The following PLEC variants were observed in gnomAD, a reference collection of about 807,000 sequenced individuals.
PLEC encodes plectin, also known as hemidesmosomal protein 1.
A neutral mutation model predicts 392.8 loss-of-function variants in PLEC; 216 were observed. The observed-to-expected ratio is 0.55, with a 90% CI of 0.49 to 0.62. PLEC has a LOEUF of 0.62. Ranked by LOEUF, PLEC falls within the 20% of genes least tolerant of loss-of-function variation. PLEC has a pLI of 0.00. For missense variants in PLEC, 6,863 were observed against 6,563.4 expected, an observed-to-expected ratio of 1.05 and a Z score of -1.58; for synonymous variants, 3,621 against 2,980.6, an observed-to-expected ratio of 1.21 and a Z score of -7.00.
At position 143,927,098 on chromosome 8, in the gene PLEC, C is replaced by A. The variant is rs367869993; in HGVS notation, c.3841-17G>T. ...TTCATAGTCCTGTGGCAATGCACTG[C>A]GGTCAGCCACCAGCTCTGCCCTCCG... On this transcript the variant is annotated splice_polypyrimidine_tract_variant and intron_variant, in intron 28 of 31. Coordinates refer to ENST00000345136, the MANE Select transcript of PLEC (RefSeq NM_201384.3). 2 of 1,598,630 alleles carry A rather than the reference C, an allele frequency of 1.3e-6. No individual in the cohort carries two copies. The highest frequency in any genetic ancestry group is 1.3e-5 in the African/African-American group (1 of 74,672).
Position 143,917,059 on chromosome 8 carries a change from G to A in PLEC, c.12762C>T (p.Ser4254=), listed in dbSNP as rs782609547. ...AGACGGCGGGGCTGATGGGGTAGGA[G>A]GAGGAGGATCCCACCGAGGAGGAAC... is the stretch of plus-strand genomic sequence containing the variant. The part of the protein sequence containing the change: ...RSRSSSVGSS[S]SYPISPAVSR... Residue 4254 remains serine (S), a synonymous_variant, in exon 32 of 32, where the codon TCC becomes TCT. Transcript: ENST00000345136. 5.0e-6 allele frequency: 8 copies of A among 1,608,172 alleles called. No homozygotes were observed. Among genetic ancestry groups the A allele is most frequent in the Non-Finnish European group, 6.8e-6 (8 of 1,175,976 alleles).
chr8:143,943,067 G>A (rs1363786746), upstream of PLEC, among the ~76,000 whole-genome samples: 5 of 152,186 alleles, frequency 3.3e-5, no homozygotes, highest in East Asian at 9.6e-4. Context: ...CTGAGTCCCC[G>A]GCAGCTCCGG....
At chr8:143,937,662 C>A (rs936072573) in intron 3 of PLEC, 56 of 491,376 alleles carry the variant, frequency 1.1e-4, no homozygotes, top group Non-Finnish European at 1.9e-4. Context: ...CAGGGGTTGG[C>A]CGACGGGCCA....
intron 1 of PLEC, chr8:143,946,418 C>A (rs556537705): frequency 2.3e-6 from 3 of 1,285,776 alleles, no homozygotes; most frequent in Non-Finnish European, 3.0e-6. Flanking sequence ...CAGGCTGCTC[C>A]GAGAGCCGGC....
In PLEC at chr8:143,931,970, C is replaced by A; in HGVS notation, c.2145G>T (p.Glu715Asp). 1.2e-6 allele frequency: 2 copies of A among 1,607,828 alleles called. No individual in the cohort carries two copies. Among genetic ancestry groups the A allele is most frequent in the Non-Finnish European group, 1.7e-6 (2 of 1,178,392 alleles). Residue 715 changes from glutamate (E) to aspartate (D), a missense_variant, in exon 18 of 32, where the codon GAG becomes GAT. Coordinates refer to ENST00000345136, the MANE Select transcript of PLEC (RefSeq NM_201384.3). ...AGGCAGCGTTCTCCTTCAGGTGTGC[C>A]TCGATACAGCAGCACAGCTGTAGCA... The part of the protein sequence containing the change: ...SWMLQLCCCI[E>D]AHLKENAAYF...
rs782155541 is a variant in PLEC at position 143,927,033 on chromosome 8, C to T, written c.3889G>A (p.Ala1297Thr). ...VTYKAQLEPV[A>T]SPAKKPKVQS... is the part of the protein sequence containing the mutation. ...ACCTTGGGCTTCTTGGCCGGGGAGGCCACCGGCTCAAGCTGCGCCTTGTAC... is the reference window on the plus strand; with the variant it reads ...ACCTTGGGCTTCTTGGCCGGGGAGGTCACCGGCTCAAGCTGCGCCTTGTAC... The change falls in exon 29 of 32, where the codon GCC becomes ACC. Residue 1297 changes from alanine (A) to threonine (T), a missense_variant. Ala to Thr is a moderately conservative substitution (Grantham distance 58). Coordinates refer to ENST00000345136, the MANE Select transcript of PLEC (RefSeq NM_201384.3). The T allele has an allele frequency of 6.2e-7, 1 of 1,612,644 alleles. No individual in the cohort carries two copies. The highest frequency in any genetic ancestry group is 1.1e-5 in the South Asian group (1 of 91,090).
chr8:143,968,529 C>CAAAAAAAAAAAAAAAAAAAA (rs57468544), intron 1 of PLEC, among the ~76,000 whole-genome samples: 1 of 63,710 alleles, frequency 1.6e-5, no homozygotes, highest in Non-Finnish European at 2.8e-5. Flanking sequence ...AACTCCATCT[C>CAAAAAAAAAAAAAAAAAAAA]AAAAAAAAAA....
At chr8:143,926,534 G>A (rs899629274) in intron 30 of PLEC, among the ~76,000 whole-genome samples, 4 of 152,136 alleles carry the variant, frequency 2.6e-5, no homozygotes, top group Non-Finnish European at 5.9e-5. Context: ...CAGGGGGGAC[G>A]CTCACGAGGG....
chr8:143,973,336 A>G lies in PLEC; in HGVS notation c.70+67T>C, dbSNP rs1490382313. On this transcript the variant is annotated intron_variant, in intron 1 of 31. Coordinates refer to the PLEC transcript ENST00000356346. This position sits in a 1 kb window ranked among gnomAD's most constrained non-coding sequence, Gnocchi z 5.6. ...CCGGCGATCGGGACCGCCACCGTGG[A>G]CGACAAGGTGCTCGGCGGCTGGGCT... The G allele has an allele frequency of 6.5e-7, 1 of 1,526,760 alleles. No individual in the cohort carries two copies. Among genetic ancestry groups the G allele is most frequent in the Non-Finnish European group, 8.8e-7 (1 of 1,133,080 alleles). 94.6% of individuals were successfully genotyped at this position (1,526,760 alleles called of 1,614,324 possible).
rs1820198475 is a variant in PLEC, at chr8:143,915,175, G to T, written c.*1002C>A. The stretch of plus-strand genomic sequence containing the variant: ...GGGAAGGTTGGAATTGCTTTTATTG[G>T]GGGCGGATACCGCAAGGCCCCGCCC... On this transcript the variant is annotated 3_prime_UTR_variant, in exon 32 of 32. Transcript: ENST00000345136. The T allele has an allele frequency of 6.6e-6, 1 of 152,606 alleles. No individual in the cohort carries two copies. The highest frequency in any genetic ancestry group is 2.4e-5 in the African/African-American group (1 of 41,456). 9.5% of individuals were successfully genotyped at this position (152,606 alleles called of 1,614,324 possible). A position where few individuals can be genotyped will look rare whatever the true frequency, so the allele number is the denominator to read the frequency against.
chr8:143,916,127 G>C lies in PLEC; in HGVS notation c.*50C>G. On this transcript the variant is annotated 3_prime_UTR_variant, in exon 32 of 32. Coordinates refer to ENST00000345136, the MANE Select transcript of PLEC (RefSeq NM_201384.3). ...GCGTTGAAAACGGCCCCCGCGCCTCGGTGGGAGCCGGGCTGGGCCGCATGC... is the reference window on the plus strand; with the variant it reads ...GCGTTGAAAACGGCCCCCGCGCCTCCGTGGGAGCCGGGCTGGGCCGCATGC... The C allele has an allele frequency of 1.4e-6, 2 of 1,419,418 alleles. No individual in the cohort carries two copies. The highest frequency in any genetic ancestry group is 1.9e-6 in the Non-Finnish European group (2 of 1,076,554). 87.9% of individuals were successfully genotyped at this position (1,419,418 alleles called of 1,614,324 possible). A position where few individuals can be genotyped will look rare whatever the true frequency, so the allele number is the denominator to read the frequency against.
rs1824340005 is a variant in PLEC at position 143,924,812 on chromosome 8, T to A, written c.5117A>T (p.Gln1706Leu). The A allele has an allele frequency of 1.3e-6, 2 of 1,540,146 alleles. No homozygotes were observed. Among genetic ancestry groups the A allele is most frequent in the Non-Finnish European group, 8.7e-7 (1 of 1,149,632 alleles). The change falls in exon 31 of 32, where the codon CAG becomes CTG. Residue 1706 changes from glutamine to leucine, a missense_variant. Physicochemically the swap from Gln to Leu is moderately radical, Grantham distance 113. Transcript: ENST00000345136. ...KQRQLAEGTA[Q>L]QRLAAEQELI... ...CTCCTGCTCCGCGGCCAGGCGCTGC[T>A]GCGCGGTGCCTTCCGCCAGCTGCCG...
In PLEC at chr8:143,920,218, G is replaced by A. The variant is rs538001056; in HGVS notation, c.9603C>T (p.Pro3201=). The A allele has an allele frequency of 2.2e-5, 35 of 1,606,764 alleles. No homozygotes were observed. The highest frequency in any genetic ancestry group is 1.1e-4 in the African/African-American group (8 of 75,026). The change falls in exon 32 of 32, where the codon CCC becomes CCT. Residue 3201 remains proline (P), a synonymous_variant. Coordinates refer to ENST00000345136, the MANE Select transcript of PLEC (RefSeq NM_201384.3). ...TYGELQQRCR[P]DQLTGLSLLP... ...GCAGGCTCAGCCCGGTCAGCTGGTCGGGCCGGCACCGCTGCTGGAGCTCGC... is the reference window on the plus strand; with the variant it reads ...GCAGGCTCAGCCCGGTCAGCTGGTCAGGCCGGCACCGCTGCTGGAGCTCGC...
chr8:143,953,384 G>A (rs1554737986), upstream of PLEC, among the ~76,000 whole-genome samples: 1 of 151,832 alleles, frequency 6.6e-6, no homozygotes, highest in African/African-American at 2.4e-5. Context: ...CGGCAAACTC[G>A]GGCCGGGTGG....
chr8:143,929,867 G>T, intron 22 of PLEC, 38 bp from the exon 23 acceptor site: 1 of 1,600,532 alleles, frequency 6.2e-7, no homozygotes, highest in Non-Finnish European at 8.5e-7. Context: ...CGGGCGAGGC[G>T]GCCGTGCCCT....
chr8:143,943,757 G>T (rs1830937913), upstream of PLEC: 2 of 1,607,134 alleles, frequency 1.2e-6, no homozygotes, highest in Non-Finnish European at 1.7e-6. Flanking sequence ...TCGAGTCCCT[G>T]GCAGCCACCA....
Position 143,918,309 on chromosome 8 carries a change from A to C in PLEC, c.11512T>G (p.Ser3838Ala), listed in dbSNP as rs782214449. The change falls in exon 32 of 32, where the codon TCA becomes GCA. Residue 3838 changes from serine to alanine, a missense_variant. By Grantham distance (99) the Ser-to-Ala change is moderately conservative. Transcript: ENST00000345136. Reference sequence around the variant, plus strand: ...TAGCTGCGCACCTCGCTGGGCTCTGACAGCTGGTCGTGCGTGTCCTTGTTG... The same window carrying C: ...TAGCTGCGCACCTCGCTGGGCTCTGCCAGCTGGTCGTGCGTGTCCTTGTTG... ...YLNKDTHDQLSEPSEVRSYVD... is the reference protein window; with the variant it reads ...YLNKDTHDQLAEPSEVRSYVD... 2 of 1,591,122 alleles carry C rather than the reference A, an allele frequency of 1.3e-6. No individual in the cohort carries two copies. Among genetic ancestry groups the C allele is most frequent in the Non-Finnish European group, 1.7e-6 (2 of 1,176,024 alleles).
chr8:143,916,166 C>T lies in PLEC; in HGVS notation c.*11G>A, dbSNP rs1173250738. 1.2e-5 allele frequency: 18 copies of T among 1,529,642 alleles called. No individual in the cohort carries two copies. The highest frequency in any genetic ancestry group is 6.9e-5 in the African/African-American group (5 of 72,096). The allele number at this position is 1,529,642 out of a possible 1,614,324, so 94.8% of individuals were successfully genotyped here. A position where few individuals can be genotyped will look rare whatever the true frequency, so the allele number is the denominator to read the frequency against. ...TGGGCCGCATGCAGAGCGGGGTGGG[C>T]GCAGGCAGCCTCAGGCCACGGCAGA... On this transcript the variant is annotated 3_prime_UTR_variant, in exon 32 of 32. Transcript: ENST00000345136.
chr8:143,949,697 C>T (rs1048154690), intron 1 of PLEC, among the ~76,000 whole-genome samples: 19 of 152,228 alleles, frequency 1.2e-4, no homozygotes, highest in African/African-American at 4.3e-4. Context: ...ACTCAGTTAC[C>T]GGTCACACCG....
Sources: allele counts gnomAD v4.1 joint callset (sites outside exome capture counted in the v4.1 genomes callset), GRCh38; gene constraint gnomAD v4.1.1; non-coding constraint Gnocchi (gnomAD v3.1); transcripts MANE v1.5; gene names NCBI Gene and HGNC (gene_info 2026-07-23, HGNC 2026-07-21).